Variants in DUOXA2 observed in about 807,000 individuals in gnomAD.
DUOXA2 encodes the protein dual oxidase maturation factor 2.
Under a neutral mutation model 27.6 loss-of-function variants are expected in DUOXA2, and 22 were observed. The observed-to-expected ratio is 0.80, with a 90% confidence interval of 0.57 to 1.14. The LOEUF is 1.14. DUOXA2 is among the 50% of genes most tolerant of loss of function. The probability of loss-of-function intolerance (pLI) is 0.00; values close to 1 mark genes in which losing one functional copy is unlikely to be tolerated. For missense variants in DUOXA2, 481 were observed against 419.9 expected (o/e 1.15, Z -1.27); for synonymous variants, 188 against 184.4 (o/e 1.02, Z -0.16).
Position 45,114,536 on chromosome 15 carries a change from C to T in DUOXA2, c.-70C>T, listed in dbSNP as rs1384033974. ...AAAGAGACGCCAAGGACGCGCTCTCCCGCGTCCAGGCAGCCCCAGCTTGCT... is the reference window on the plus strand; with the variant it reads ...AAAGAGACGCCAAGGACGCGCTCTCTCGCGTCCAGGCAGCCCCAGCTTGCT... On this transcript the variant is annotated 5_prime_UTR_variant, in exon 1 of 6. Coordinates refer to ENST00000323030, the MANE Select transcript of DUOXA2 (RefSeq NM_207581.4). The T allele has an allele frequency of 3.8e-5, 61 of 1,599,530 alleles. No individual in the cohort carries two copies. Among genetic ancestry groups the T allele is most frequent in the Admixed American group, 6.8e-5 (4 of 58,924 alleles).
chr15:45,117,904 C>G lies in DUOXA2; in HGVS notation c.958C>G (p.Leu320Val). ...LPDLKCITTNL is the reference protein window; with the variant it reads ...LPDLKCITTNV ...AGACTTAAAATGTATCACCACTAAC[C>G]TGTGAGGGGGACCCAATCTGGACTC... The change falls in exon 6 of 6, where the codon CTG (leucine) becomes GTG (valine). Residue 320 changes from leucine to valine, a missense_variant. Leu to Val is a conservative substitution (Grantham distance 32, BLOSUM62 1). Transcript: ENST00000323030. The G allele has an allele frequency of 6.2e-7, 1 of 1,613,388 alleles. No homozygotes were observed.
At position 45,117,208 on chromosome 15, in the gene DUOXA2, G is replaced by A. The variant is rs534043155; in HGVS notation, c.672G>A (p.Leu224=). The change falls in exon 5 of 6, where the codon TTG becomes TTA. Residue 224 remains leucine (L), a synonymous_variant. Transcript: ENST00000323030. ...GAFALFGVFA[L]ASISSVPLCP... The stretch of plus-strand genomic sequence containing the variant: ...TCGCGCTCTTCGGGGTCTTCGCCTT[G>A]GCCTCCATCTCTAGCGTGCCGCTCT... 2.5e-6 allele frequency: 4 copies of A among 1,609,564 alleles called. No individual in the cohort carries two copies. The East Asian group carries it at 6.7e-5, about 27-fold the overall frequency.
At position 45,116,694 on chromosome 15, in the gene DUOXA2, C is replaced by T. The variant is rs61733394; in HGVS notation, c.519C>T (p.Tyr173=). 5,240 of 1,613,648 alleles carry T rather than the reference C, an allele frequency of 3.2e-3. 173 individuals carry two copies. In the African/African-American group the frequency reaches 0.064, roughly 20 times the overall value. ...GCCCTTGCGGCCTGTACCACCAGTA[C>T]CACCTGGCGGGACACTACGCCTCGG... ...PSSPCGLYHQ[Y]HLAGHYASAT... is the part of the protein sequence containing the mutation. Residue 173 remains tyrosine (Y), a synonymous_variant, in exon 4 of 6, where the codon TAC becomes TAT. Coordinates refer to ENST00000323030, the MANE Select transcript of DUOXA2 (RefSeq NM_207581.4).
At chr15:45,115,955 C>T in intron 2 of DUOXA2, 99 bp downstream of exon 2, 4 of 1,596,474 alleles carry the variant, frequency 2.5e-6, no homozygotes, top group Middle Eastern at 1.7e-4. Context: ...GTTTTCTGCT[C>T]CCTCTTCCCA....
chr15:45,117,157 C>A lies in DUOXA2; in HGVS notation c.621C>A (p.Gly207=). ...CCACGCCGGCCCCGCTCTACGGAGGCCTGGCACTGCTGACCACCGGAGCCT... is the reference window on the plus strand; with the variant it reads ...CCACGCCGGCCCCGCTCTACGGAGGACTGGCACTGCTGACCACCGGAGCCT... ...LLSTPAPLYG[G]LALLTTGAFA... is the part of the protein sequence containing the mutation. The change falls in exon 5 of 6, where the codon GGC becomes GGA. Residue 207 remains glycine (G), a synonymous_variant. Coordinates refer to ENST00000323030, the MANE Select transcript of DUOXA2 (RefSeq NM_207581.4). 1 of 1,603,854 alleles carries A rather than the reference C, an allele frequency of 6.2e-7. No homozygotes were observed. Among genetic ancestry groups the A allele is most frequent in the East Asian group, 2.2e-5 (1 of 44,854 alleles).
chr15:45,116,172 C>T lies in DUOXA2; in HGVS notation c.254C>T (p.Thr85Ile), dbSNP rs1167715713. ...EWFVGTVNTN[T>I]SYKAFSAARV... is the part of the protein sequence containing the mutation. Reference sequence around the variant, plus strand: ...TTCGTGGGTACAGTGAACACCAACACATCCTACAAAGCCTTCAGCGCAGCG... The same window carrying T: ...TTCGTGGGTACAGTGAACACCAACATATCCTACAAAGCCTTCAGCGCAGCG... Residue 85 changes from threonine (T) to isoleucine (I), a missense_variant, in exon 3 of 6, where the codon ACA becomes ATA. Coordinates refer to ENST00000323030, the MANE Select transcript of DUOXA2 (RefSeq NM_207581.4). 4 of 1,614,058 alleles carry T rather than the reference C, an allele frequency of 2.5e-6. No individual in the cohort carries two copies. In the Admixed American group the frequency reaches 5.0e-5, roughly 20 times the overall value.
intron 1 of DUOXA2, 108 bp downstream of exon 1, chr15:45,114,860 C>A: frequency 2.6e-6 from 4 of 1,517,582 alleles, no homozygotes; most frequent in South Asian, 1.1e-5. Flanking sequence ...CATGAATAGT[C>A]GAATTGAGGC....
Position 45,117,825 on chromosome 15 carries a change from A to C in DUOXA2, c.879A>C (p.Arg293Ser). Residue 293 changes from arginine to serine, a missense_variant, in exon 6 of 6, where the codon AGA becomes AGC. Coordinates refer to ENST00000323030, the MANE Select transcript of DUOXA2 (RefSeq NM_207581.4). ...DQSAKDCSQE[R>S]GGSPLILGDP... ...GCGCCAAGGACTGCAGCCAGGAGAG[A>C]GGGGGCTCACCTCTTATCCTCGGCG... is the stretch of plus-strand genomic sequence containing the variant. 1 of 1,613,840 alleles carries C rather than the reference A, an allele frequency of 6.2e-7. No individual in the cohort carries two copies. The highest frequency in any genetic ancestry group is 8.5e-7 in the Non-Finnish European group (1 of 1,180,008).
Position 45,117,132 on chromosome 15 carries a change from C to T in DUOXA2, c.596C>T (p.Ser199Phe), listed in dbSNP as rs779708492. The change falls in exon 5 of 6, where the codon TCC becomes TTC. Residue 199 changes from serine to phenylalanine, a missense_variant. By Grantham distance (155) the Ser-to-Phe change is radical. Coordinates refer to ENST00000323030, the MANE Select transcript of DUOXA2 (RefSeq NM_207581.4). The stretch of plus-strand genomic sequence containing the variant: ...TGGCTCCTCTCCAACGTGCTGCTCT[C>T]CACGCCGGCCCCGCTCTACGGAGGC... ...CFWLLSNVLL[S>F]TPAPLYGGLA... The T allele has an allele frequency of 1.9e-6, 3 of 1,601,184 alleles. No individual in the cohort carries two copies. The highest frequency in any genetic ancestry group is 1.3e-5 in the African/African-American group (1 of 74,936).
At chr15:45,115,677 G>A (rs371109906) in intron 1 of DUOXA2, 122 bp from the exon 2 acceptor site, 50 of 1,174,010 alleles carry the variant, frequency 4.3e-5, no homozygotes, top group East Asian at 3.2e-4. Flanking sequence ...GGAAAAGCGT[G>A]CCTAACATTA....
chr15:45,116,199 G>T lies in DUOXA2; in HGVS notation c.281G>T (p.Arg94Leu). The change falls in exon 3 of 6, where the codon CGC becomes CTC. Residue 94 changes from arginine to leucine, a missense_variant. Coordinates refer to ENST00000323030, the MANE Select transcript of DUOXA2 (RefSeq NM_207581.4). ...TCCTACAAAGCCTTCAGCGCAGCGCGCGTTACAGCCCGTGTCCGTCTGCTC... is the reference window on the plus strand; with the variant it reads ...TCCTACAAAGCCTTCAGCGCAGCGCTCGTTACAGCCCGTGTCCGTCTGCTC... Reference protein sequence around the residue: ...NTSYKAFSAARVTARVRLLVG... With the variant: ...NTSYKAFSAALVTARVRLLVG... The T allele has an allele frequency of 6.2e-7, 1 of 1,614,084 alleles. No homozygotes were observed. The highest frequency in any genetic ancestry group is 8.5e-7 in the Non-Finnish European group (1 of 1,180,032).
Position 45,116,212 on chromosome 15 carries a change from T to C in DUOXA2, c.294T>C (p.Arg98=), listed in dbSNP as rs779234245. Residue 98 remains arginine, a synonymous_variant, in exon 3 of 6, where the codon CGT becomes CGC. Transcript: ENST00000323030. ...TCAGCGCAGCGCGCGTTACAGCCCG[T>C]GTCCGTCTGCTCGTGGGCCTGGAGG... ...KAFSAARVTA[R]VRLLVGLEGI... 1 of 1,613,862 alleles carries C rather than the reference T, an allele frequency of 6.2e-7. No individual in the cohort carries two copies. The highest frequency in any genetic ancestry group is 1.3e-5 in the African/African-American group (1 of 74,976).
rs1894617832 is a variant in DUOXA2, at chr15:45,116,108, G to C, written c.206-16G>C. The C allele has an allele frequency of 2.5e-6, 4 of 1,612,718 alleles. No individual in the cohort carries two copies. Among genetic ancestry groups the C allele is most frequent in the East Asian group, 4.5e-5 (2 of 44,816 alleles). On this transcript the variant is annotated splice_polypyrimidine_tract_variant and intron_variant, in intron 2 of 5. Coordinates refer to ENST00000323030, the MANE Select transcript of DUOXA2 (RefSeq NM_207581.4). The stretch of plus-strand genomic sequence containing the variant: ...CCCACCCTCATCCCACCCCCACCGT[G>C]TGCCTTTCCCTACAGCTGTGCACTT...
At chr15:45,115,279 C>A in intron 1 of DUOXA2, 1 of 368,900 alleles carries the variant, frequency 2.7e-6, no homozygotes, top group South Asian at 2.0e-5. Flanking sequence ...TCTCCCAGAA[C>A]CTAGGTTGTG....
At position 45,118,333 on chromosome 15, in the gene DUOXA2, G is replaced by A. The variant is rs147686983; in HGVS notation, c.*424G>A. On this transcript the variant is annotated 3_prime_UTR_variant, in exon 6 of 6. Transcript: ENST00000323030. Reference sequence around the variant, plus strand: ...GGGGGACGTTAGGTGGCAGTGATGAGGCAGGTCACCCACTCCCCCGTCCTG... The same window carrying A: ...GGGGGACGTTAGGTGGCAGTGATGAAGCAGGTCACCCACTCCCCCGTCCTG... 2.7e-4 allele frequency: 328 copies of A among 1,202,008 alleles called. No homozygotes were observed. In the African/African-American group the frequency reaches 4.3e-3, roughly 16 times the overall value. 74.5% of individuals were successfully genotyped at this position (1,202,008 alleles called of 1,614,324 possible).
In DUOXA2 at chr15:45,118,107, CTG is replaced by C; in HGVS notation, c.*200_*201del. The C allele has an allele frequency of 6.7e-7, 1 of 1,486,592 alleles. No homozygotes were observed. The highest frequency in any genetic ancestry group is 1.4e-5 in the African/African-American group (1 of 71,020). 92.1% of individuals were successfully genotyped at this position (1,486,592 alleles called of 1,614,324 possible). A position where few individuals can be genotyped will look rare whatever the true frequency, so the allele number is the denominator to read the frequency against. ...CTTTTTTTCTTTTGTTTTTTAAAAA[CTG>C]TTTTTCCCATTAATTTTCATGGCTT... is the stretch of plus-strand genomic sequence containing the variant. On this transcript the variant is annotated 3_prime_UTR_variant, in exon 6 of 6. Coordinates refer to ENST00000323030, the MANE Select transcript of DUOXA2 (RefSeq NM_207581.4).
At position 45,116,532 on chromosome 15, in the gene DUOXA2, G is replaced by C. The variant is rs1485585516; in HGVS notation, c.357G>C (p.Gln119His). ...ACCCCACAGGGACCCCAGTGCATCA[G>C]CTGAACGAGACCATTGACTACAACG... ...NITLTGTPVH[Q>H]LNETIDYNEQ... The change falls in exon 4 of 6, where the codon CAG becomes CAC. Residue 119 changes from glutamine to histidine, a missense_variant. Physicochemically the swap from Gln to His is conservative, Grantham distance 24 (BLOSUM62 0). Transcript: ENST00000323030. The C allele has an allele frequency of 6.2e-7, 1 of 1,613,920 alleles. No individual in the cohort carries two copies.
chr15:45,117,774 C>T lies in DUOXA2; in HGVS notation c.828C>T (p.Ser276=). ...TGAGTCTCCAGTATGTTCGGCCCAGCGCTCTTCGCACCCTTCTGGACCAAA... is the reference window on the plus strand; with the variant it reads ...TGAGTCTCCAGTATGTTCGGCCCAGTGCTCTTCGCACCCTTCTGGACCAAA... ...AVVSLQYVRP[S]ALRTLLDQSA... The change falls in exon 6 of 6, where the codon AGC becomes AGT. Residue 276 remains serine (S), a synonymous_variant. Coordinates refer to ENST00000323030, the MANE Select transcript of DUOXA2 (RefSeq NM_207581.4). 1.2e-6 allele frequency: 2 copies of T among 1,613,926 alleles called. No individual in the cohort carries two copies. Among genetic ancestry groups the T allele is most frequent in the Non-Finnish European group, 1.7e-6 (2 of 1,179,996 alleles).
chr15:45,114,540 G>T lies in DUOXA2; in HGVS notation c.-66G>T. On this transcript the variant is annotated 5_prime_UTR_variant, in exon 1 of 6. Transcript: ENST00000323030. Reference sequence around the variant, plus strand: ...AGACGCCAAGGACGCGCTCTCCCGCGTCCAGGCAGCCCCAGCTTGCTGGCT... The same window carrying T: ...AGACGCCAAGGACGCGCTCTCCCGCTTCCAGGCAGCCCCAGCTTGCTGGCT... 6.2e-7 allele frequency: 1 copy of T among 1,604,622 alleles called. No individual in the cohort carries two copies.
Sources: gnomAD v4.1 joint callset for allele counts on GRCh38, gnomAD v4.1.1 for gene constraint, MANE v1.5 for transcripts, NCBI Gene and HGNC (gene_info 2026-07-23, HGNC 2026-07-21) for gene names.